Variants in COL24A1 observed in about 807,000 individuals in gnomAD.
COL24A1 encodes the protein collagen type XXIV alpha 1 chain, also known as collagen alpha-1(XXIV) chain.
In COL24A1, 224 loss-of-function variants were observed where a neutral mutation model predicts 253.9. The ratio of observed to expected loss-of-function variants is 0.88; its 90% CI spans 0.79 to 0.99. The LOEUF (loss-of-function observed/expected upper bound fraction) is 0.99. Among genes scored for constraint, COL24A1 ranks in the 50% least tolerant of loss-of-function variants. The pLI is 0.00. For missense variants in COL24A1, 2,131 were observed against 2,068.5 expected, an observed-to-expected ratio of 1.03 and a Z score of -0.59; for synonymous variants, 685 against 673.7, an observed-to-expected ratio of 1.02 and a Z score of -0.26.
intron 19 of COL24A1, among the ~76,000 whole-genome samples, chr1:85,997,041 A>ATATATATGTGTGTGTGTGTGTG (rs1491577759): frequency 1.2e-5 from 1 of 81,120 alleles, no homozygotes; most frequent in Non-Finnish European, 2.8e-5. Context: ...ATATATATAT[A>ATATATATGTGTGTGTGTGTGTG]TGTGTGTGTG....
At chr1:85,812,428 T>C (rs1008866004) in intron 47 of COL24A1, among the ~76,000 whole-genome samples, 1 of 152,226 alleles carries the variant, frequency 6.6e-6, no homozygotes, top group Non-Finnish European at 1.5e-5. Flanking sequence ...AGTTTCAGGC[T>C]GCATTAGAGC....
At chr1:85,766,582 A>G (rs1040839784) in intron 53 of COL24A1, among the ~76,000 whole-genome samples, 2 of 152,072 alleles carry the variant, frequency 1.3e-5, no homozygotes, top group Admixed American at 6.5e-5. Flanking sequence ...AGAGTTTACA[A>G]TGTTAAATTA....
chr1:86,038,244 G>T (rs1699182847), intron 12 of COL24A1, among the ~76,000 whole-genome samples: 1 of 152,176 alleles, frequency 6.6e-6, no homozygotes, highest in East Asian at 1.9e-4. Context: ...ATAATAGAAA[G>T]AAAAGATAAT....
At chr1:86,038,699 T>C (rs1258715727) in intron 12 of COL24A1, among the ~76,000 whole-genome samples, 1 of 152,168 alleles carries the variant, frequency 6.6e-6, no homozygotes, top group Admixed American at 6.5e-5. Context: ...TGCTGTAGTA[T>C]CTTTACACCA....
At chr1:86,142,629 A>G (rs1412315007) in intron 2 of COL24A1, among the ~76,000 whole-genome samples, 1 of 152,136 alleles carries the variant, frequency 6.6e-6, no homozygotes, top group Non-Finnish European at 1.5e-5. Flanking sequence ...ATCTCACATA[A>G]AGTAGTACAT....
intron 32 of COL24A1, among the ~76,000 whole-genome samples, chr1:85,880,662 GT>G (rs1681728334): frequency 6.6e-6 from 1 of 151,134 alleles, no homozygotes; most frequent in South Asian, 2.1e-4. Flanking sequence ...TGGCTATAAG[GT>G]TTTTTAAAAA....
intron 24 of COL24A1, among the ~76,000 whole-genome samples, chr1:85,927,164 AGGTACCG>A (rs1245393554): frequency 6.6e-6 from 1 of 152,080 alleles, no homozygotes; most frequent in Non-Finnish European, 1.5e-5. Context: ...CTTCCATCTG[AGGTACCG>A]GGTTCATCTC....
intron 22 of COL24A1, among the ~76,000 whole-genome samples, chr1:85,966,324 G>A (rs1691567750): frequency 6.6e-6 from 1 of 152,142 alleles, no homozygotes; most frequent in South Asian, 2.1e-4. Flanking sequence ...TGATATGCTT[G>A]TTAGACATCT....
At chr1:85,836,353 G>T in intron 43 of COL24A1, among the ~76,000 whole-genome samples, 1 of 152,172 alleles carries the variant, frequency 6.6e-6, no homozygotes, top group South Asian at 2.1e-4. Flanking sequence ...AAATGTCACT[G>T]AATTGTAAAG....
intron 24 of COL24A1, among the ~76,000 whole-genome samples, chr1:85,926,748 A>T (rs1200663464): frequency 6.6e-6 from 1 of 152,156 alleles, no homozygotes; most frequent in Admixed American, 6.6e-5. Flanking sequence ...GCAAACCAAC[A>T]TGGCGCATGT....
chr1:85,758,358 C>T (rs1014896326), intron 55 of COL24A1, among the ~76,000 whole-genome samples: 1 of 152,130 alleles, frequency 6.6e-6, no homozygotes, highest in East Asian at 1.9e-4. Flanking sequence ...AATTCTTTCT[C>T]TCACTTAATG....
chr1:85,761,262 G>C, intron 55 of COL24A1, 134 bp downstream of exon 55: 1 of 922,834 alleles, frequency 1.1e-6, no homozygotes, highest in Non-Finnish European at 1.7e-6. Context: ...GGCCAGCCCT[G>C]TATCAGGTTA....
At chr1:86,132,783 T>C (rs1649481172) in intron 2 of COL24A1, among the ~76,000 whole-genome samples, 1 of 152,192 alleles carries the variant, frequency 6.6e-6, no homozygotes, top group Admixed American at 6.5e-5. Context: ...GTGGTATAGT[T>C]TGAAGTCAGG....
intron 19 of COL24A1, among the ~76,000 whole-genome samples, chr1:86,007,990 T>C (rs778444359): frequency 6.6e-6 from 1 of 152,148 alleles, no homozygotes; most frequent in Non-Finnish European, 1.5e-5. Context: ...GATGTGTCAA[T>C]GTAGGTTCAT....
At chr1:86,128,311 G>T (rs1648631263) in intron 2 of COL24A1, among the ~76,000 whole-genome samples, 1 of 151,942 alleles carries the variant, frequency 6.6e-6, no homozygotes, top group African/African-American at 2.4e-5. Context: ...GTTAGTCTGT[G>T]ACATTGGATA....
intron 20 of COL24A1, among the ~76,000 whole-genome samples, chr1:85,982,430 TG>T (rs1423580964): frequency 1.3e-5 from 2 of 152,116 alleles, no homozygotes; most frequent in Non-Finnish European, 2.9e-5. Flanking sequence ...TCATGTTATA[TG>T]CTTGTTCTTA....
At chr1:85,760,855 C>T (rs1666780844) in intron 55 of COL24A1, among the ~76,000 whole-genome samples, 2 of 152,102 alleles carry the variant, frequency 1.3e-5, no homozygotes, top group Admixed American at 1.3e-4. Context: ...CTTAGAATAT[C>T]AGAGGGCATG....
At chr1:85,863,183 C>T (rs1006380938) in intron 37 of COL24A1, among the ~76,000 whole-genome samples, 2 of 152,292 alleles carry the variant, frequency 1.3e-5, no homozygotes, top group Middle Eastern at 3.4e-3. Context: ...TGAGACTTTG[C>T]TGAAGTTGCT....
At position 86,126,021 on chromosome 1, in the gene COL24A1, C is replaced by A; in HGVS notation, c.315G>T (p.Pro105=). The A allele has an allele frequency of 6.2e-7, 1 of 1,613,572 alleles. No homozygotes were observed. The highest frequency in any genetic ancestry group is 8.5e-7 in the Non-Finnish European group (1 of 1,179,778). Residue 105 remains proline, a synonymous_variant, in exon 3 of 60, where the codon CCG becomes CCT. Coordinates refer to ENST00000370571, the MANE Select transcript of COL24A1 (RefSeq NM_152890.7). ...ACTGTAACCCAGTTAATATTGTAAA[C>A]GGCTGCCCCAAGTTGACTGGTAAAA... ...VKILPVNLGQ[P]FTILTGLQSH...
Sources: allele counts gnomAD v4.1 joint callset (sites outside exome capture counted in the v4.1 genomes callset), GRCh38; gene constraint gnomAD v4.1.1; transcripts MANE v1.5; gene names NCBI Gene and HGNC (gene_info 2026-07-23, HGNC 2026-07-21).